Variants in MEGF10 observed in about 807,000 individuals in gnomAD.
The protein encoded by MEGF10 is multiple EGF like domains 10, also known as multiple epidermal growth factor-like domains protein 10.
In MEGF10, 86 loss-of-function variants were observed where a neutral mutation model predicts 147.5. That is an observed-to-expected ratio of 0.58 (90% CI 0.49 to 0.70). MEGF10 has a LOEUF of 0.70. Ranked by LOEUF, MEGF10 falls within the 30% of genes least tolerant of loss-of-function variation. MEGF10 has a pLI of 0.00. For missense variants in MEGF10, 1,329 were observed against 1,487.3 expected (o/e 0.89, Z 1.75); for synonymous variants, 478 against 525.5 (o/e 0.91, Z 1.24).
chr5:127,242,035 A>C, the MEGF10 span, among the ~76,000 whole-genome samples: 1 of 152,212 alleles, frequency 6.6e-6, no homozygotes, highest in Non-Finnish European at 1.5e-5. Flanking sequence ...CATGACCCCA[A>C]AAGGTTACGT....
intron 5 of MEGF10, among the ~76,000 whole-genome samples, chr5:127,388,971 G>A (rs1763544237): frequency 6.6e-6 from 1 of 152,170 alleles, no homozygotes; most frequent in Non-Finnish European, 1.5e-5. Context: ...TTAATCATTT[G>A]TTGCTCTGCC....
At chr5:127,328,873 C>G (rs1403975047) in intron 1 of MEGF10, among the ~76,000 whole-genome samples, 1 of 152,114 alleles carries the variant, frequency 6.6e-6, no homozygotes, top group African/African-American at 2.4e-5. Flanking sequence ...GAAATAATTG[C>G]CATGCTCATT....
chr5:127,359,996 C>G (rs1447233869), intron 4 of MEGF10, among the ~76,000 whole-genome samples: 3 of 152,046 alleles, frequency 2.0e-5, no homozygotes, highest in African/African-American at 7.2e-5. Flanking sequence ...TGCTTTGAAT[C>G]TATACAACTA....
At chr5:127,266,975 A>G in the MEGF10 span, among the ~76,000 whole-genome samples, 1 of 152,158 alleles carries the variant, frequency 6.6e-6, no homozygotes, top group Non-Finnish European at 1.5e-5. Flanking sequence ...AGGAGTGGTG[A>G]GAGAGGGCAT....
chr5:127,326,009 T>G (rs1371852637), intron 1 of MEGF10, among the ~76,000 whole-genome samples: 1 of 150,892 alleles, frequency 6.6e-6, no homozygotes, highest in Non-Finnish European at 1.5e-5. Flanking sequence ...GCTCAAGCGA[T>G]CCTCCTACCT....
chr5:127,336,680 A>G (rs1761483545), intron 2 of MEGF10, among the ~76,000 whole-genome samples: 1 of 152,210 alleles, frequency 6.6e-6, no homozygotes, highest in African/African-American at 2.4e-5. Context: ...ATATCATAAC[A>G]TGGCCTTTGA....
intron 5 of MEGF10, among the ~76,000 whole-genome samples, chr5:127,370,917 G>A (rs548019502): frequency 3.3e-5 from 5 of 152,258 alleles, no homozygotes; most frequent in South Asian, 4.2e-4. Context: ...TAGCAAGTTC[G>A]CATGAGAGCA....
At chr5:127,270,091 A>G in the MEGF10 span, among the ~76,000 whole-genome samples, 4 of 152,246 alleles carry the variant, frequency 2.6e-5, no homozygotes, top group African/African-American at 4.8e-5. Context: ...AGCACTAAAC[A>G]TGGAAAGGAA....
intron 2 of MEGF10, among the ~76,000 whole-genome samples, chr5:127,336,290 A>G (rs1761466506): frequency 6.6e-6 from 1 of 151,896 alleles, no homozygotes; most frequent in Admixed American, 6.6e-5. Context: ...TATTTCCCCC[A>G]AGCTATATAT....
At chr5:127,367,793 C>T (rs1762708781) in intron 4 of MEGF10, among the ~76,000 whole-genome samples, 1 of 152,152 alleles carries the variant, frequency 6.6e-6, no homozygotes, top group South Asian at 2.1e-4. Flanking sequence ...TAGCTGCAAA[C>T]ATAGATGCCA....
At chr5:127,451,072 G>A (rs1472567258) in intron 22 of MEGF10, among the ~76,000 whole-genome samples, 2 of 152,120 alleles carry the variant, frequency 1.3e-5, no homozygotes, top group African/African-American at 2.4e-5. Context: ...TTGCTAAATT[G>A]GATGATCCTC....
the MEGF10 span, among the ~76,000 whole-genome samples, chr5:127,247,312 AAG>A: frequency 0.19 from 12,869 of 68,932 alleles, 1,581 homozygotes; most frequent in Middle Eastern, 0.37. Context: ...GAGCGAGAGA[AAG>A]AGAGAGAAGA....
intron 4 of MEGF10, among the ~76,000 whole-genome samples, chr5:127,360,032 A>G (rs888516317): frequency 6.6e-6 from 1 of 152,128 alleles, no homozygotes; most frequent in Non-Finnish European, 1.5e-5. Flanking sequence ...TATCTTATTA[A>G]TAGAGTCATC....
intron 4 of MEGF10, among the ~76,000 whole-genome samples, chr5:127,369,109 C>T (rs868139172): frequency 1.3e-5 from 2 of 152,108 alleles, no homozygotes; most frequent in African/African-American, 4.8e-5. Flanking sequence ...ATATCCGAAC[C>T]CCAAACCCTT....
At chr5:127,292,978 C>T (rs138550181) in intron 1 of MEGF10, among the ~76,000 whole-genome samples, 56 of 152,270 alleles carry the variant, frequency 3.7e-4, no homozygotes, top group African/African-American at 1.2e-3. Flanking sequence ...AATTTCCATA[C>T]CTGTTAAAAT....
chr5:127,277,610 G>A, the MEGF10 span, among the ~76,000 whole-genome samples: 1 of 152,290 alleles, frequency 6.6e-6, no homozygotes, highest in Non-Finnish European at 1.5e-5. Context: ...GTTTTAACAA[G>A]ATAACTTTAG....
At chr5:127,270,340 C>G in the MEGF10 span, among the ~76,000 whole-genome samples, 1 of 152,132 alleles carries the variant, frequency 6.6e-6, no homozygotes, top group Non-Finnish European at 1.5e-5. Flanking sequence ...GGAGACCCAT[C>G]TCATGTGCAG....
At chr5:127,310,280 C>A in intron 1 of MEGF10, among the ~76,000 whole-genome samples, 1 of 151,584 alleles carries the variant, frequency 6.6e-6, no homozygotes, top group Non-Finnish European at 1.5e-5. Flanking sequence ...TTTGTTACTG[C>A]TATGTTGTAG....
the MEGF10 span, among the ~76,000 whole-genome samples, chr5:127,269,634 G>A: frequency 2.0e-5 from 3 of 152,326 alleles, no homozygotes; most frequent in Admixed American, 6.5e-5. Context: ...GAAAGTGATG[G>A]AGAGAATGGA....
Sources: gnomAD v4.1 joint callset for allele counts (sites outside exome capture counted in the v4.1 genomes callset) on GRCh38, gnomAD v4.1.1 for gene constraint, MANE v1.5 for transcripts, NCBI Gene and HGNC (gene_info 2026-07-23, HGNC 2026-07-21) for gene names.